CLMP: variants seen among roughly 807,000 people sequenced by gnomAD.
The protein encoded by CLMP is CXADR like cell adhesion molecule.
CLMP carries 27 observed loss-of-function variants against 45.2 expected under a neutral mutation model. The ratio of observed to expected loss-of-function variants is 0.60; its 90% confidence interval spans 0.44 to 0.82. The LOEUF (loss-of-function observed/expected upper bound fraction) is 0.82, where lower values mean the gene tolerates loss of function less well. Ranked by LOEUF, CLMP falls within the 40% of genes least tolerant of loss-of-function variation. The probability of loss-of-function intolerance (pLI) is 0.00; values close to 1 mark genes in which losing one functional copy is unlikely to be tolerated. For synonymous variants in CLMP, 167 were observed against 171.4 expected (o/e 0.97, Z 0.20); for missense variants, 403 against 448.4 (o/e 0.90, Z 0.91).
At chr11:123,138,554 T>C (rs1861108976) in intron 1 of CLMP, among the ~76,000 whole-genome samples, 1 of 152,084 alleles carries the variant, frequency 6.6e-6, no homozygotes, top group Non-Finnish European at 1.5e-5. Flanking sequence ...GCAATTTTGA[T>C]GTAGAGTCCA....
rs554128910 is a variant in CLMP at position 123,162,419 on chromosome 11, A to G, written c.28+32494T>C. Among the ~76,000 whole-genome samples the G allele has an allele frequency of 5.9e-5, 9 of 152,362 alleles. No individual in the cohort carries two copies. The South Asian group carries it at 6.2e-4, about 11-fold the overall frequency. On this transcript the variant is annotated intron_variant, in intron 1 of 6. Coordinates refer to ENST00000448775, the MANE Select transcript of CLMP (RefSeq NM_024769.5). ...AAACACATCCAAAACAGGAACGTGT[A>G]TAATGTATAATGCATGTATAATGCA...
chr11:123,073,772 T>A lies in CLMP; in HGVS notation c.824A>T (p.Glu275Val), dbSNP rs766822478. The change falls in exon 7 of 7, where the codon GAA becomes GTA. Residue 275 changes from glutamate to valine, a missense_variant and splice_region_variant. Coordinates refer to ENST00000448775, the MANE Select transcript of CLMP (RefSeq NM_024769.5). ...ACGGGCTTTTGGAGCTTCAGCATCT[T>A]CTCTGAAGAGAAAAAACAGCAAAGA... The part of the protein sequence containing the change: ...EEEERPNEIR[E>V]DAEAPKARLV... 25 of 1,570,526 alleles carry A rather than the reference T, an allele frequency of 1.6e-5. No individual in the cohort carries two copies. Among genetic ancestry groups the A allele is most frequent in the Non-Finnish European group, 2.2e-5 (25 of 1,160,540 alleles).
At chr11:123,154,631 G>A (rs1861387760) in intron 1 of CLMP, among the ~76,000 whole-genome samples, 1 of 152,218 alleles carries the variant, frequency 6.6e-6, no homozygotes, top group Admixed American at 6.5e-5. Context: ...ACTAGGGGAT[G>A]ATCACTGATT....
intron 1 of CLMP, among the ~76,000 whole-genome samples, chr11:123,158,448 G>C (rs1239536946): frequency 6.6e-6 from 1 of 152,234 alleles, no homozygotes; most frequent in Non-Finnish European, 1.5e-5. Context: ...TTAGAAATCA[G>C]TCTTGGGGAC....
chr11:123,159,227 A>C lies in CLMP; in HGVS notation c.28+35686T>G, dbSNP rs545981731. Among the ~76,000 whole-genome samples, 71 of 152,350 alleles carry C rather than the reference A, an allele frequency of 4.7e-4. 2 individuals carry two copies. In the South Asian group the frequency reaches 0.014, roughly 30 times the overall value. On this transcript the variant is annotated intron_variant, in intron 1 of 6. Coordinates refer to ENST00000448775, the MANE Select transcript of CLMP (RefSeq NM_024769.5). ...ACCCAGTCTCTCCCGGAAATAGTTTAACAGTTACTTTCAGTGAGAAGGTAA... is the reference window on the plus strand; with the variant it reads ...ACCCAGTCTCTCCCGGAAATAGTTTCACAGTTACTTTCAGTGAGAAGGTAA...
Position 123,153,363 on chromosome 11 carries a change from C to G in CLMP, c.28+41550G>C, listed in dbSNP as rs562948688. 4.6e-5 allele frequency among the ~76,000 whole-genome samples: 7 copies of G among 152,334 alleles called. No individual in the cohort carries two copies. The East Asian group carries it at 9.6e-4, about 21-fold the overall frequency. The stretch of plus-strand genomic sequence containing the variant: ...TGAATTTCCTTTTCTCTCTTGCCAG[C>G]TTCTCTCCTTTGCATCCTATTGCCG... On this transcript the variant is annotated intron_variant, in intron 1 of 6. Transcript: ENST00000448775.
chr11:123,104,173 T>C (rs1244480574), intron 1 of CLMP, among the ~76,000 whole-genome samples: 1 of 140,970 alleles, frequency 7.1e-6, no homozygotes, highest in Non-Finnish European at 1.5e-5. Flanking sequence ...TCTCCCTCTG[T>C]AGCCCAGGCT....
chr11:123,078,932 C>T (rs11218959), intron 5 of CLMP, among the ~76,000 whole-genome samples: 3,146 of 152,252 alleles, frequency 0.021, 98 homozygotes, highest in East Asian at 0.17. Flanking sequence ...GCGTGAGTCA[C>T]CGTGCCCGGC....
chr11:123,078,375 T>C (rs1280985125), intron 5 of CLMP, among the ~76,000 whole-genome samples: 1 of 152,188 alleles, frequency 6.6e-6, no homozygotes, highest in African/African-American at 2.4e-5. Context: ...TTCTGTTTAT[T>C]TAAAGTTTTG....
In CLMP at chr11:123,070,247, T is replaced by C. The variant is rs1865657280; in HGVS notation, c.*3227A>G. The C allele has an allele frequency of 6.6e-6, 1 of 152,228 alleles. No individual in the cohort carries two copies. The highest frequency in any genetic ancestry group is 2.4e-5 in the African/African-American group (1 of 41,462). The allele number at this position is 152,228 out of a possible 1,614,324, so 9.4% of individuals were successfully genotyped here. A position where few individuals can be genotyped will look rare whatever the true frequency, so the allele number is the denominator to read the frequency against. On this transcript the variant is annotated 3_prime_UTR_variant, in exon 7 of 7. Transcript: ENST00000448775. ...CCTTTTTTTGTTTCCTATTTCAGAATCAAATTTATTTTACTTGCAAAGTCA... is the reference window on the plus strand; with the variant it reads ...CCTTTTTTTGTTTCCTATTTCAGAACCAAATTTATTTTACTTGCAAAGTCA...
At chr11:123,113,912 A>G (rs1860681168) in intron 1 of CLMP, among the ~76,000 whole-genome samples, 1 of 152,124 alleles carries the variant, frequency 6.6e-6, no homozygotes, top group Middle Eastern at 3.4e-3. Context: ...ATGCAGAAAC[A>G]CACACACACA....
chr11:123,085,921 T>C (rs1865861055), intron 2 of CLMP, among the ~76,000 whole-genome samples: 1 of 151,974 alleles, frequency 6.6e-6, no homozygotes, highest in South Asian at 2.1e-4. Context: ...GGATTACAGA[T>C]GCATGCCACC....
chr11:123,153,205 A>G (rs535741373), intron 1 of CLMP, among the ~76,000 whole-genome samples: 1 of 152,316 alleles, frequency 6.6e-6, no homozygotes, highest in Admixed American at 6.5e-5. Context: ...CTTGCCAGTC[A>G]TCTGGAACAC....
intron 1 of CLMP, among the ~76,000 whole-genome samples, chr11:123,113,739 G>A (rs1255228836): frequency 1.3e-5 from 2 of 152,190 alleles, no homozygotes; most frequent in Non-Finnish European, 1.5e-5. Flanking sequence ...CTATTTGGGA[G>A]TAATGTTTTG....
intron 1 of CLMP, chr11:123,193,077 C>T: frequency 6.6e-6 from 1 of 152,338 alleles, no homozygotes. Flanking sequence ...GAAGAGCCAG[C>T]CAGGTGTGGC....
intron 1 of CLMP, among the ~76,000 whole-genome samples, chr11:123,114,472 CT>C (rs768261705): frequency 0.024 from 3,007 of 125,302 alleles, 104 homozygotes; most frequent in African/African-American, 0.08. Flanking sequence ...TCCTTCCTTC[CT>C]TTTTTTTTTT....
intron 1 of CLMP, among the ~76,000 whole-genome samples, chr11:123,099,611 T>C (rs1019999407): frequency 6.6e-6 from 1 of 151,914 alleles, no homozygotes; most frequent in Non-Finnish European, 1.5e-5. Flanking sequence ...ATGGAATTCA[T>C]GTGGATAGAA....
intron 1 of CLMP, among the ~76,000 whole-genome samples, chr11:123,150,395 GAACA>G (rs1156817034): frequency 7.7e-6 from 1 of 130,472 alleles, no homozygotes; most frequent in Non-Finnish European, 1.6e-5. Context: ...CCAAAAAGAT[GAACA>G]AAAGAAGGAA....
At chr11:123,190,177 G>C (rs1232815313) in intron 1 of CLMP, among the ~76,000 whole-genome samples, 1 of 152,112 alleles carries the variant, frequency 6.6e-6, no homozygotes, top group Non-Finnish European at 1.5e-5. Context: ...TGGGTGGGGG[G>C]ATCGGGCCAT....
Sources: gnomAD v4.1 joint callset for allele counts (sites outside exome capture counted in the v4.1 genomes callset) on GRCh38, gnomAD v4.1.1 for gene constraint, MANE v1.5 for transcripts, NCBI Gene and HGNC (gene_info 2026-07-23, HGNC 2026-07-21) for gene names.